The following SNTG1 variants were observed in gnomAD, a reference collection of about 807,000 sequenced individuals.
SNTG1 encodes syntrophin gamma 1.
Under a neutral mutation model 74.7 loss-of-function variants are expected in SNTG1, and 39 were observed. That is an observed-to-expected ratio of 0.52 (90% CI 0.40 to 0.68). The LOEUF (loss-of-function observed/expected upper bound fraction) is 0.68. Among genes scored for constraint, SNTG1 ranks in the 30% least tolerant of loss-of-function variants. The pLI is 0.00. For synonymous variants in SNTG1, 254 were observed against 217.1 expected, an observed-to-expected ratio of 1.17 and a Z score of -1.49; for missense variants, 685 against 609.5, an observed-to-expected ratio of 1.12 and a Z score of -1.30.
In SNTG1 at chr8:50,116,270, C is replaced by A. The variant is rs185402244; in HGVS notation, c.-102-56291C>A. Among the ~76,000 whole-genome samples the A allele has an allele frequency of 5.3e-5, 8 of 152,258 alleles. No individual in the cohort carries two copies. The East Asian group carries it at 7.7e-4, about 15-fold the overall frequency. On this transcript the variant is annotated intron_variant, in intron 1 of 18. Transcript: ENST00000642720. ...AACACCATCTAACATTAAACACTTTCCAAATGCCTTTTTTTCTACTTAATG... is the reference window on the plus strand; with the variant it reads ...AACACCATCTAACATTAAACACTTTACAAATGCCTTTTTTTCTACTTAATG...
intron 1 of SNTG1, among the ~76,000 whole-genome samples, chr8:49,913,269 A>C (rs1028574338): frequency 6.6e-6 from 1 of 152,166 alleles, no homozygotes; most frequent in Non-Finnish European, 1.5e-5. Flanking sequence ...TTCATAATCA[A>C]CTCTGTGAAA....
chr8:49,988,247 T>C (rs986485003), intron 1 of SNTG1, among the ~76,000 whole-genome samples: 10 of 152,040 alleles, frequency 6.6e-5, no homozygotes, highest in Non-Finnish European at 1.3e-4. Context: ...ATGTTCAATT[T>C]TCAACAAAAA....
chr8:50,191,262 GA>G (rs5891354), intron 2 of SNTG1, among the ~76,000 whole-genome samples: 46,107 of 152,030 alleles, frequency 0.3, 7,143 homozygotes, highest in South Asian at 0.42. Flanking sequence ...GTAATGGTAA[GA>G]AAACTAAGAT....
intron 2 of SNTG1, among the ~76,000 whole-genome samples, chr8:50,296,444 T>G (rs2089377458): frequency 6.6e-6 from 1 of 152,148 alleles, no homozygotes; most frequent in African/African-American, 2.4e-5. Flanking sequence ...TAAGAAAGAA[T>G]GAGTTCATGT....
intron 2 of SNTG1, among the ~76,000 whole-genome samples, chr8:50,229,506 AT>A (rs1320994453): frequency 6.6e-6 from 1 of 151,616 alleles, no homozygotes; most frequent in African/African-American, 2.4e-5. Context: ...AAGGAAGATT[AT>A]CAGGAATAAT....
chr8:50,563,129 A>C (rs544091762), intron 12 of SNTG1, among the ~76,000 whole-genome samples: 1 of 152,306 alleles, frequency 6.6e-6, no homozygotes, highest in Non-Finnish European at 1.5e-5. Flanking sequence ...CAACTGAGAA[A>C]GACGGCAACT....
chr8:50,468,685 T>C (rs1015536191), intron 8 of SNTG1, among the ~76,000 whole-genome samples: 1 of 152,184 alleles, frequency 6.6e-6, no homozygotes, highest in African/African-American at 2.4e-5. Context: ...CTCTATTTAT[T>C]GCTTTGGTTC....
At chr8:50,021,906 A>C (rs987457330) in intron 1 of SNTG1, among the ~76,000 whole-genome samples, 1 of 148,934 alleles carries the variant, frequency 6.7e-6, no homozygotes, top group Non-Finnish European at 1.5e-5. Context: ...ACACCACTGC[A>C]CTCCAGCCTG....
At chr8:50,752,166 G>C in intron 18 of SNTG1, 55 bp downstream of exon 18, 1 of 958,128 alleles carries the variant, frequency 1.0e-6, no homozygotes, top group Non-Finnish European at 1.5e-6. Context: ...TGCCATTAAG[G>C]AACAAAGAGG....
At position 50,029,668 on chromosome 8, in the gene SNTG1, T is replaced by A. The variant is rs557764940; in HGVS notation, c.-103+117437T>A. Among the ~76,000 whole-genome samples the A allele has an allele frequency of 2.6e-5, 4 of 152,270 alleles. No homozygotes were observed. The South Asian group carries it at 8.3e-4, about 32-fold the overall frequency. Reference sequence around the variant, plus strand: ...CATCTAGTTCCCTACATGTTGCAAATGACATGATTCCATTCTTTTATTATG... The same window carrying A: ...CATCTAGTTCCCTACATGTTGCAAAAGACATGATTCCATTCTTTTATTATG... On this transcript the variant is annotated intron_variant, in intron 1 of 18. Transcript: ENST00000642720.
At chr8:50,526,991 A>G (rs2094226013) in intron 9 of SNTG1, among the ~76,000 whole-genome samples, 1 of 152,152 alleles carries the variant, frequency 6.6e-6, no homozygotes, top group Admixed American at 6.5e-5. Context: ...TGGTTGCCCT[A>G]CATTCTTTCC....
chr8:50,500,923 T>C (rs1301847599), intron 8 of SNTG1, among the ~76,000 whole-genome samples: 1 of 152,120 alleles, frequency 6.6e-6, no homozygotes, highest in Non-Finnish European at 1.5e-5. Context: ...TCTTTGCTGG[T>C]ACTCTCCACT....
chr8:50,092,643 A>G (rs1361050361), intron 1 of SNTG1, among the ~76,000 whole-genome samples: 15 of 152,148 alleles, frequency 9.9e-5, no homozygotes, highest in Non-Finnish European at 1.5e-5. Context: ...GCCTTGCATC[A>G]TGGATTTTCT....
At chr8:50,538,433 A>G (rs1314369091) in intron 11 of SNTG1, among the ~76,000 whole-genome samples, 1 of 152,086 alleles carries the variant, frequency 6.6e-6, no homozygotes, top group Admixed American at 6.6e-5. Context: ...TAGATTTGCT[A>G]GCATCTAATT....
intron 1 of SNTG1, among the ~76,000 whole-genome samples, chr8:49,942,731 G>T (rs1026471322): frequency 6.6e-6 from 1 of 152,154 alleles, no homozygotes; most frequent in Admixed American, 6.5e-5. Context: ...TGACTAGATT[G>T]AGTTTATGTG....
chr8:50,242,738 TATA>T (rs1020658411), intron 2 of SNTG1, among the ~76,000 whole-genome samples: 1 of 150,098 alleles, frequency 6.7e-6, no homozygotes, highest in African/African-American at 2.4e-5. Flanking sequence ...ATATTATTAC[TATA>T]ATAATTACTA....
intron 15 of SNTG1, among the ~76,000 whole-genome samples, chr8:50,666,094 C>T (rs2095249686): frequency 6.6e-6 from 1 of 152,056 alleles, no homozygotes; most frequent in African/African-American, 2.4e-5. Context: ...TGAAATCTAA[C>T]TAGGAGGAAA....
chr8:49,991,961 T>C lies in SNTG1; in HGVS notation c.-103+79730T>C, dbSNP rs572023372. On this transcript the variant is annotated intron_variant, in intron 1 of 18. Transcript: ENST00000642720. ...TGAATATTAGGGTGTATAAATTCTATCCCATTAAAGCTGTTAAAAAATAAT... is the reference window on the plus strand; with the variant it reads ...TGAATATTAGGGTGTATAAATTCTACCCCATTAAAGCTGTTAAAAAATAAT... Among the ~76,000 whole-genome samples, 8 of 152,260 alleles carry C rather than the reference T, an allele frequency of 5.3e-5. No individual in the cohort carries two copies. The East Asian group carries it at 1.5e-3, about 29-fold the overall frequency.
At chr8:50,163,492 T>G (rs2131606281) in intron 1 of SNTG1, 1 of 151,344 alleles carries the variant, frequency 6.6e-6, no homozygotes, top group East Asian at 1.9e-4. Context: ...TTTTTTTTTT[T>G]TTTTAGACGG....
Sources: gnomAD v4.1 joint callset for allele counts (sites outside exome capture counted in the v4.1 genomes callset) on GRCh38, gnomAD v4.1.1 for gene constraint, MANE v1.5 for transcripts, NCBI Gene and HGNC (gene_info 2026-07-23, HGNC 2026-07-21) for gene names.